CERS3: variants seen among roughly 807,000 people sequenced by gnomAD.
The protein encoded by CERS3 is ceramide synthase 3, also known as LAG1 homolog, ceramide synthase 3.
A neutral mutation model predicts 50.3 loss-of-function variants in CERS3; 33 were observed. The ratio of observed to expected loss-of-function variants is 0.66; its 90% CI spans 0.50 to 0.88. The LOEUF (loss-of-function observed/expected upper bound fraction) is 0.88, where lower values mean the gene tolerates loss of function less well. Ranked by LOEUF, CERS3 falls within the 40% of genes least tolerant of loss-of-function variation. The probability of loss-of-function intolerance (pLI) is 0.00; values close to 1 mark genes in which losing one functional copy is unlikely to be tolerated. For synonymous variants in CERS3, 176 were observed against 155.2 expected, an observed-to-expected ratio of 1.13 and a Z score of -0.99; for missense variants, 470 against 460.3, an observed-to-expected ratio of 1.02 and a Z score of -0.19.
chr15:100,464,479 G>A (rs1191395028), intron 10 of CERS3, among the ~76,000 whole-genome samples: 1 of 152,200 alleles, frequency 6.6e-6, no homozygotes, highest in African/African-American at 2.4e-5. Context: ...TGAACTCACA[G>A]GTTGCAAAAC....
intron 11 of CERS3, among the ~76,000 whole-genome samples, chr15:100,434,936 T>C (rs201126586): frequency 0.017 from 2,530 of 152,110 alleles, 30 homozygotes; most frequent in Admixed American, 0.027. Flanking sequence ...GATGTCAGAG[T>C]TTCTTGTACT....
upstream of CERS3, among the ~76,000 whole-genome samples, chr15:100,533,225 T>C (rs534430905): frequency 4.6e-4 from 70 of 152,298 alleles, no homozygotes; most frequent in African/African-American, 1.6e-3. Flanking sequence ...CCTCTCCTGC[T>C]TCATTTTCCT....
chr15:100,451,011 G>A (rs2034143081), intron 11 of CERS3, among the ~76,000 whole-genome samples: 1 of 152,088 alleles, frequency 6.6e-6, no homozygotes, highest in Admixed American at 6.6e-5. Context: ...AAAAACTAAG[G>A]GAATTCATCA....
chr15:100,461,689 C>T (rs963256369), intron 10 of CERS3, among the ~76,000 whole-genome samples: 6 of 152,172 alleles, frequency 3.9e-5, no homozygotes, highest in African/African-American at 1.4e-4. Context: ...GAGCAACACC[C>T]CCCAAGAGGG....
rs142948512 is a variant in CERS3, at chr15:100,448,677, C to T, written c.999+7216G>A. Reference sequence around the variant, plus strand: ...CAACAGTCCCTGCATCTACACATTCCTGGAGCCCCACTGACATTCCCCATG... The same window carrying T: ...CAACAGTCCCTGCATCTACACATTCTTGGAGCCCCACTGACATTCCCCATG... On this transcript the variant is annotated intron_variant, in intron 11 of 11. Coordinates refer to ENST00000679737, the MANE Select transcript of CERS3 (RefSeq NM_001378789.1). Among the ~76,000 whole-genome samples, 399 of 152,374 alleles carry T rather than the reference C, an allele frequency of 2.6e-3. 1 individual carries two copies. The highest frequency in any genetic ancestry group is 8.7e-3 in the African/African-American group (362 of 41,596).
chr15:100,474,301 G>T (rs1050805548), intron 8 of CERS3, among the ~76,000 whole-genome samples: 1 of 152,284 alleles, frequency 6.6e-6, no homozygotes, highest in Middle Eastern at 3.4e-3. Context: ...TCTCAATAAA[G>T]ATGTTTAAAA....
chr15:100,411,684 T>C (rs541659461), intron 11 of CERS3, among the ~76,000 whole-genome samples: 1 of 152,354 alleles, frequency 6.6e-6, no homozygotes, highest in African/African-American at 2.4e-5. Context: ...TGCTGGATCA[T>C]GTGGTTAAGC....
At chr15:100,509,795 G>A (rs942202091) in intron 2 of CERS3, among the ~76,000 whole-genome samples, 18 of 152,048 alleles carry the variant, frequency 1.2e-4, no homozygotes, top group African/African-American at 4.4e-4. Context: ...GACACCAAAT[G>A]AATATTTATT....
chr15:100,421,855 T>C (rs1350776301), intron 11 of CERS3, among the ~76,000 whole-genome samples: 3 of 65,586 alleles, frequency 4.6e-5, no homozygotes, highest in African/African-American at 1.4e-4. Context: ...ATTTAATAAA[T>C]GGTGGTGGGA....
At chr15:100,538,342 C>G (rs2037121273) in intron 1 of CERS3, among the ~76,000 whole-genome samples, 1 of 152,216 alleles carries the variant, frequency 6.6e-6, no homozygotes, top group African/African-American at 2.4e-5. Context: ...TGTGGGGACT[C>G]TGACCCCACA....
chr15:100,440,938 G>C (rs746041835), intron 11 of CERS3, among the ~76,000 whole-genome samples: 1 of 152,162 alleles, frequency 6.6e-6, no homozygotes. Flanking sequence ...CACTGGTCAC[G>C]GACTAGGGAA....
At chr15:100,481,582 C>T (rs868054759) in intron 5 of CERS3, among the ~76,000 whole-genome samples, 11 of 152,254 alleles carry the variant, frequency 7.2e-5, no homozygotes, top group Admixed American at 5.2e-4. Context: ...TCAGCTCCAT[C>T]GGGCACGGTG....
intron 6 of CERS3, 24 bp downstream of exon 6, chr15:100,479,965 C>T (rs368654038): frequency 7.4e-5 from 116 of 1,561,288 alleles, no homozygotes; most frequent in Non-Finnish European, 1.0e-4. Flanking sequence ...AAATTCCAAT[C>T]GAAGATATAA....
At chr15:100,541,136 A>G (rs2037191988) in intron 1 of CERS3, among the ~76,000 whole-genome samples, 1 of 152,164 alleles carries the variant, frequency 6.6e-6, no homozygotes, top group African/African-American at 2.4e-5. Flanking sequence ...AGATCAGCTG[A>G]GCTACGTGGC....
chr15:100,511,247 C>T (rs1161102020), intron 2 of CERS3, among the ~76,000 whole-genome samples: 3 of 152,096 alleles, frequency 2.0e-5, no homozygotes, highest in Non-Finnish European at 4.4e-5. Flanking sequence ...CAAGATTACA[C>T]CAATGCACTC....
At chr15:100,495,073 G>A (rs977914071) in intron 3 of CERS3, among the ~76,000 whole-genome samples, 1 of 152,210 alleles carries the variant, frequency 6.6e-6, no homozygotes, top group Non-Finnish European at 1.5e-5. Flanking sequence ...CTGGGTGAGC[G>A]CTGAGTCAGG....
intron 3 of CERS3, among the ~76,000 whole-genome samples, chr15:100,499,245 G>A (rs1487528133): frequency 2.6e-5 from 4 of 152,196 alleles, no homozygotes; most frequent in Non-Finnish European, 5.9e-5. Flanking sequence ...CATGAGTGTT[G>A]ACATTTGAGC....
chr15:100,435,642 G>C (rs568389745), intron 11 of CERS3, among the ~76,000 whole-genome samples: 1 of 152,316 alleles, frequency 6.6e-6, no homozygotes, highest in African/African-American at 2.4e-5. Flanking sequence ...TTAAACTAAA[G>C]AGCTTCTGCA....
chr15:100,430,039 G>A (rs12904631), intron 11 of CERS3, among the ~76,000 whole-genome samples: 68,301 of 151,688 alleles, frequency 0.45, 16,716 homozygotes, highest in Non-Finnish European at 0.56. Context: ...AAAGCCGGGC[G>A]CGGTGGCTCA....
Sources: gnomAD v4.1 joint callset for allele counts (sites outside exome capture counted in the v4.1 genomes callset) on GRCh38, gnomAD v4.1.1 for gene constraint, MANE v1.5 for transcripts, NCBI Gene and HGNC (gene_info 2026-07-23, HGNC 2026-07-21) for gene names.